FGF13: variants seen among roughly 807,000 people sequenced by gnomAD.
FGF13 encodes the protein fibroblast growth factor 13, also known as fibroblast growth factor homologous factor 2.
A neutral mutation model predicts 19.5 loss-of-function variants in FGF13; 2 were observed. That is an observed-to-expected ratio of 0.10 (90% confidence interval 0.04 to 0.32). The LOEUF is 0.32. FGF13 is among the 10% of genes least tolerant of loss of function. The pLI, the probability that FGF13 is intolerant of heterozygous loss-of-function variation, is 1.00. For synonymous variants in FGF13, 72 were observed against 76.9 expected (o/e 0.94, Z 0.33); for missense variants, 113 against 192.7 (o/e 0.59, Z 2.45).
At chrX:138,956,087 C>T (rs1487204408) in intron 1 of FGF13, among the ~76,000 whole-genome samples, 3 of 111,518 alleles carry the variant, frequency 2.7e-5, no homozygotes, top group Admixed American at 9.6e-5. Flanking sequence ...TAGCTTAGGT[C>T]GTTTTGCCAG....
At chrX:138,960,099 G>A (rs1469535639) in intron 1 of FGF13, among the ~76,000 whole-genome samples, 1 of 111,988 alleles carries the variant, frequency 8.9e-6, no homozygotes, top group Non-Finnish European at 1.9e-5. Context: ...GTTAGTTGAT[G>A]CAGTTTCTTC....
intron 3 of FGF13, among the ~76,000 whole-genome samples, chrX:138,767,810 A>C (rs955740899): frequency 1.8e-5 from 2 of 112,355 alleles, no homozygotes; most frequent in African/African-American, 6.5e-5. Context: ...CAGTGTTCCC[A>C]TCTGTGAAAA....
Position 138,777,351 on chromosome X carries a change from G to A in FGF13, c.218-68423C>T, listed in dbSNP as rs536828443. Among the ~76,000 whole-genome samples, 25 of 111,705 alleles carry A rather than the reference G, an allele frequency of 2.2e-4. No homozygotes were observed. In the South Asian group the frequency reaches 4.2e-3, roughly 19 times the overall value. ...CAACAAGCAGACCTTGTCCAAAAAGGTTTTTTGTTTCTACGGACCTGACAC... is the reference window on the plus strand; with the variant it reads ...CAACAAGCAGACCTTGTCCAAAAAGATTTTTTGTTTCTACGGACCTGACAC... On this transcript the variant is annotated intron_variant, in intron 3 of 6. Transcript: ENST00000436198.
intron 1 of FGF13, among the ~76,000 whole-genome samples, chrX:138,882,407 G>A (rs897467400): frequency 7.2e-5 from 8 of 111,758 alleles, no homozygotes; most frequent in Non-Finnish European, 1.5e-4. Flanking sequence ...GATGTACAGC[G>A]TGATTCTATT....
chrX:139,121,536 A>C lies in FGF13; in HGVS notation c.-113+81880T>G, dbSNP rs777986718. Among the ~76,000 whole-genome samples the C allele has an allele frequency of 7.2e-5, 8 of 110,979 alleles. No individual in the cohort carries two copies. In the East Asian group the frequency reaches 2.3e-3, roughly 32 times the overall value. ...TGCCAGCTTCCTGAGTAGCTGGGAC[A>C]ACAGGCATGTGCCACCATGCCTGGC... On this transcript the variant is annotated intron_variant, in intron 1 of 2. Transcript: ENST00000421460.
intron 1 of FGF13, among the ~76,000 whole-genome samples, chrX:139,005,193 G>GGCCCCC (rs2092095550): frequency 8.1e-5 from 2 of 24,647 alleles, no homozygotes; most frequent in Non-Finnish European, 1.1e-4. Flanking sequence ...TTGTGTCACT[G>GGCCCCC]CCCCCCCCCC....
At chrX:138,772,018 G>A (rs867716582) in intron 3 of FGF13, among the ~76,000 whole-genome samples, 20 of 56,511 alleles carry the variant, frequency 3.5e-4, no homozygotes, top group Non-Finnish European at 4.9e-4. Flanking sequence ...ATACATATGT[G>A]TATATATATA....
At chrX:139,048,441 G>T (rs1357816102) in intron 1 of FGF13, among the ~76,000 whole-genome samples, 1 of 110,430 alleles carries the variant, frequency 9.1e-6, no homozygotes, top group Non-Finnish European at 1.9e-5. Flanking sequence ...CAGCACCTGT[G>T]TTCTTCCATA....
chrX:139,129,234 A>G (rs1287205446), intron 1 of FGF13, among the ~76,000 whole-genome samples: 5 of 108,995 alleles, frequency 4.6e-5, no homozygotes, highest in African/African-American at 1.7e-4. Context: ...ATATAATGAA[A>G]TATTTAATAT....
intron 1 of FGF13, among the ~76,000 whole-genome samples, chrX:139,055,858 T>C (rs1200625370): frequency 8.9e-6 from 1 of 112,617 alleles, no homozygotes; most frequent in African/African-American, 3.2e-5. Flanking sequence ...TGATAAGGGC[T>C]CTTTTCAAAC....
At chrX:138,767,492 A>T (rs2090510831) in intron 3 of FGF13, among the ~76,000 whole-genome samples, 2 of 111,581 alleles carry the variant, frequency 1.8e-5, no homozygotes, top group Admixed American at 9.6e-5. Flanking sequence ...AGAAACAAGC[A>T]ATACTTTAGT....
In FGF13 at chrX:139,046,837, T is replaced by C. The variant is rs150407339; in HGVS notation, c.-113+156579A>G. Reference sequence around the variant, plus strand: ...GTGGGTTCCTCAAATTCGATATTTATAGGTTGAACAATAAAGGGTTAAAGA... The same window carrying C: ...GTGGGTTCCTCAAATTCGATATTTACAGGTTGAACAATAAAGGGTTAAAGA... On this transcript the variant is annotated intron_variant, in intron 1 of 2. Transcript: ENST00000421460. Among the ~76,000 whole-genome samples, 593 of 111,713 alleles carry C rather than the reference T, an allele frequency of 5.3e-3. 7 individuals carry two copies. The highest frequency in any genetic ancestry group is 0.012 in the African/African-American group (358 of 30,636).
intron 1 of FGF13, among the ~76,000 whole-genome samples, chrX:138,985,782 T>A (rs1045387197): frequency 8.9e-6 from 1 of 112,427 alleles, no homozygotes; most frequent in African/African-American, 3.2e-5. Flanking sequence ...AAAAATATTA[T>A]TTTCTCAGCA....
At chrX:139,001,517 A>G (rs2092073338) in intron 1 of FGF13, among the ~76,000 whole-genome samples, 1 of 111,940 alleles carries the variant, frequency 8.9e-6, no homozygotes. Flanking sequence ...CCTTGAAAAA[A>G]AAATGAGTGA....
chrX:139,187,486 T>C (rs1021984297), intron 1 of FGF13, among the ~76,000 whole-genome samples: 2 of 112,261 alleles, frequency 1.8e-5, no homozygotes, highest in Admixed American at 9.4e-5. Context: ...TAAGAAGTTA[T>C]CCCTCTTTCT....
intron 1 of FGF13, among the ~76,000 whole-genome samples, chrX:138,905,291 A>T (rs111699051): frequency 0.011 from 1,203 of 112,053 alleles, 27 homozygotes; most frequent in African/African-American, 0.037. Context: ...TAAAAGGAAT[A>T]ATAAAACTAT....
chrX:138,905,596 G>A (rs752127121), intron 1 of FGF13, among the ~76,000 whole-genome samples: 22 of 111,763 alleles, frequency 2.0e-4, no homozygotes, highest in Non-Finnish European at 3.4e-4. Context: ...GTGATTTTGT[G>A]GTCTGATGTA....
At chrX:138,713,757 C>T (rs1254672141), upstream of FGF13, among the ~76,000 whole-genome samples, 1 of 112,073 alleles carries the variant, frequency 8.9e-6, no homozygotes, top group Non-Finnish European at 1.9e-5. Flanking sequence ...GGTGTGGACA[C>T]TCTGTGGTAC....
chrX:139,050,175 G>A (rs999072365), intron 1 of FGF13, among the ~76,000 whole-genome samples: 2 of 111,245 alleles, frequency 1.8e-5, no homozygotes, highest in Non-Finnish European at 3.8e-5. Flanking sequence ...GTGATACAAT[G>A]AGATGAGGTG....
Sources: gnomAD v4.1 joint callset for allele counts (sites outside exome capture counted in the v4.1 genomes callset) on GRCh38, gnomAD v4.1.1 for gene constraint, MANE v1.5 for transcripts, NCBI Gene and HGNC (gene_info 2026-07-23, HGNC 2026-07-21) for gene names.